SLC9A8: variants seen among roughly 807,000 people sequenced by gnomAD.
SLC9A8 encodes sodium/hydrogen exchanger 8.
Under a neutral mutation model 66.6 loss-of-function variants are expected in SLC9A8, and 48 were observed. That is an observed-to-expected ratio of 0.72 (90% CI 0.57 to 0.92). SLC9A8 has a LOEUF of 0.92. Ranked by LOEUF, SLC9A8 falls within the 40% of genes least tolerant of loss-of-function variation. SLC9A8 has a pLI of 0.00. For missense variants in SLC9A8, 599 were observed against 747.3 expected (o/e 0.80, Z 2.31); for synonymous variants, 274 against 282.6 (o/e 0.97, Z 0.31).
At chr20:49,827,678 A>T (rs946254911) in intron 3 of SLC9A8, among the ~76,000 whole-genome samples, 4 of 152,036 alleles carry the variant, frequency 2.6e-5, no homozygotes, top group African/African-American at 9.7e-5. Flanking sequence ...GAATAATACC[A>T]AAGACAGGAG....
rs543660560 is a variant in SLC9A8, at chr20:49,839,561, A to G, written c.310A>G (p.Ile104Val). The G allele has an allele frequency of 1.3e-6, 2 of 1,596,232 alleles. No individual in the cohort carries two copies. Among genetic ancestry groups the G allele is most frequent in the Admixed American group, 3.4e-5 (2 of 59,684 alleles). ...TGTAGGTATTCTCATGGGAGCAGTT[A>G]TAAAAATTATAGAGTTTAAAAAACT... ...VSLGILMGAV[I>V]KIIEFKKLAN... The change falls in exon 4 of 16, where the codon ATA becomes GTA. Residue 104 changes from isoleucine to valine, a missense_variant. Around this residue, in one of 2 missense-constraint regions of SLC9A8, gnomAD observed 467 missense variants for 626.5 expected, o/e 0.75. Coordinates refer to ENST00000361573, the MANE Select transcript of SLC9A8 (RefSeq NM_015266.3).
rs73271114 is a variant in SLC9A8 at position 49,845,795 on chromosome 20, C to T, written c.432+676C>T. The stretch of plus-strand genomic sequence containing the variant: ...CTTCTCTGCTTTGGCTTGGCCTTGA[C>T]GGCCATTGCCTTGCAACTCCCAGTG... On this transcript the variant is annotated intron_variant, in intron 5 of 15. Transcript: ENST00000361573. Among the ~76,000 whole-genome samples, 1,077 of 152,262 alleles carry T rather than the reference C, an allele frequency of 7.1e-3. 20 individuals carry two copies. Among genetic ancestry groups the T allele is most frequent in the African/African-American group, 0.024 (998 of 41,554 alleles).
intron 8 of SLC9A8, among the ~76,000 whole-genome samples, chr20:49,859,886 A>C (rs151284645): frequency 1.3e-3 from 196 of 152,330 alleles, no homozygotes; most frequent in Non-Finnish European, 2.0e-3. Flanking sequence ...TTAAGAAACA[A>C]AATGTAGAAA....
intron 4 of SLC9A8, among the ~76,000 whole-genome samples, chr20:49,842,974 G>C (rs117179347): frequency 3.9e-5 from 6 of 152,088 alleles, no homozygotes; most frequent in Admixed American, 3.3e-4. Context: ...TCTTCTCCAC[G>C]TGTCTATGTG....
At chr20:49,851,106 C>T (rs986949777) in intron 7 of SLC9A8, among the ~76,000 whole-genome samples, 2 of 152,210 alleles carry the variant, frequency 1.3e-5, no homozygotes, top group African/African-American at 4.8e-5. Context: ...AGTAACTCTG[C>T]TCAGCTAACT....
At chr20:49,849,497 G>A in intron 5 of SLC9A8, 82 bp from the exon 6 acceptor site, 1 of 1,046,088 alleles carries the variant, frequency 9.6e-7, no homozygotes, top group East Asian at 2.5e-5. Context: ...AGTCTGCACG[G>A]AGGGCCAGGT....
chr20:49,836,582 C>A (rs2087545459), intron 3 of SLC9A8, among the ~76,000 whole-genome samples: 1 of 152,180 alleles, frequency 6.6e-6, no homozygotes, highest in Non-Finnish European at 1.5e-5. Context: ...CCACCTGCGC[C>A]TCCCAAAGTG....
At chr20:49,869,861 A>G (rs889418423) in intron 10 of SLC9A8, among the ~76,000 whole-genome samples, 2 of 152,068 alleles carry the variant, frequency 1.3e-5, no homozygotes, top group Non-Finnish European at 2.9e-5. Flanking sequence ...AAATAAAAAG[A>G]TACTGGCATG....
At chr20:49,831,641 A>C (rs2087202266) in intron 3 of SLC9A8, among the ~76,000 whole-genome samples, 1 of 152,172 alleles carries the variant, frequency 6.6e-6, no homozygotes, top group African/African-American at 2.4e-5. Flanking sequence ...CAGGGAGAGG[A>C]CTTGGGCCCA....
intron 2 of SLC9A8, among the ~76,000 whole-genome samples, chr20:49,818,479 AT>A (rs758928369): frequency 0.027 from 3,372 of 125,012 alleles, 65 homozygotes; most frequent in African/African-American, 0.065. Context: ...CAAACATTGA[AT>A]TTTTTTTTTT....
At chr20:49,858,955 CAAA>C (rs1012164170) in intron 8 of SLC9A8, among the ~76,000 whole-genome samples, 1 of 107,662 alleles carries the variant, frequency 9.3e-6, no homozygotes. Flanking sequence ...AAGACTGTCT[CAAA>C]AAAAAAAAAA....
rs1600665601 is a variant in SLC9A8 at position 49,831,111 on chromosome 20, C to A, written c.289+7970C>A. The A allele has an allele frequency of 8.4e-6, 5 of 591,734 alleles. No individual in the cohort carries two copies. The East Asian group carries it at 9.5e-5, about 11-fold the overall frequency. The allele number at this position is 591,734 out of a possible 1,614,324, so 36.7% of individuals were successfully genotyped here. ...GCCGTCGGACCCCCCACCCCCAGCC[C>A]TCTAATCTCTCCGCTAACTCCCTCT... On this transcript the variant is annotated intron_variant, in intron 3 of 15. Coordinates refer to ENST00000361573, the MANE Select transcript of SLC9A8 (RefSeq NM_015266.3).
intron 13 of SLC9A8, 27 bp from the exon 14 acceptor site, chr20:49,883,819 C>T: frequency 6.3e-7 from 1 of 1,577,620 alleles, no homozygotes; most frequent in Non-Finnish European, 8.6e-7. Flanking sequence ...TTCACTGTGT[C>T]CTCTCACACT....
At chr20:49,849,269 A>G (rs1318534691) in intron 5 of SLC9A8, among the ~76,000 whole-genome samples, 1 of 152,178 alleles carries the variant, frequency 6.6e-6, no homozygotes, top group East Asian at 1.9e-4. Flanking sequence ...AGGCAGCACA[A>G]TCAGATTTGT....
intron 8 of SLC9A8, among the ~76,000 whole-genome samples, chr20:49,859,931 C>T (rs775904932): frequency 7.9e-5 from 12 of 152,190 alleles, no homozygotes; most frequent in South Asian, 4.1e-4. Flanking sequence ...ATTCTACTTT[C>T]ATTACCTGGA....
intron 8 of SLC9A8, among the ~76,000 whole-genome samples, chr20:49,860,100 C>T (rs2088672747): frequency 6.6e-6 from 1 of 152,150 alleles, no homozygotes; most frequent in Admixed American, 6.5e-5. Flanking sequence ...AGGCTGGGCA[C>T]TGTATGTGTG....
intron 5 of SLC9A8, among the ~76,000 whole-genome samples, chr20:49,845,895 C>A (rs2087968341): frequency 6.6e-6 from 1 of 152,078 alleles, no homozygotes; most frequent in African/African-American, 2.4e-5. Context: ...AGTCCTGTGG[C>A]ATGATCTCGG....
chr20:49,847,161 T>A (rs2088031590), intron 5 of SLC9A8, among the ~76,000 whole-genome samples: 1 of 152,094 alleles, frequency 6.6e-6, no homozygotes, highest in Non-Finnish European at 1.5e-5. Context: ...GGAAATTTAA[T>A]GTAAAAAATA....
chr20:49,872,061 T>C (rs548104512), intron 10 of SLC9A8, among the ~76,000 whole-genome samples: 1 of 152,024 alleles, frequency 6.6e-6, no homozygotes, highest in Non-Finnish European at 1.5e-5. Context: ...GGAGGTTGCA[T>C]TGAGCTGAGA....
Sources: allele counts gnomAD v4.1 joint callset (sites outside exome capture counted in the v4.1 genomes callset), GRCh38; gene constraint gnomAD v4.1.1; regional missense constraint gnomAD v4.1.1; transcripts MANE v1.5; gene names NCBI Gene and HGNC (gene_info 2026-07-23, HGNC 2026-07-21).